The following UNC5D variants were observed in gnomAD, a reference collection of about 807,000 sequenced individuals.
UNC5D encodes the protein unc-5 netrin receptor D.
Under a neutral mutation model 105.4 loss-of-function variants are expected in UNC5D, and 39 were observed. That is an observed-to-expected ratio of 0.37 (90% CI 0.29 to 0.48). UNC5D has a LOEUF of 0.48. Ranked by LOEUF, UNC5D falls within the 20% of genes least tolerant of loss-of-function variation. The pLI, the probability that UNC5D is intolerant of heterozygous loss-of-function variation, is 0.98. For synonymous variants in UNC5D, 452 were observed against 450.4 expected (o/e 1.00, Z -0.04); for missense variants, 991 against 1,202.4 (o/e 0.82, Z 2.60).
intron 1 of UNC5D, among the ~76,000 whole-genome samples, chr8:35,494,863 T>G (rs1328185700): frequency 6.6e-6 from 1 of 152,228 alleles, no homozygotes; most frequent in Non-Finnish European, 1.5e-5. Context: ...AATTATACTT[T>G]TGTTTTTTTA....
intron 1 of UNC5D, among the ~76,000 whole-genome samples, chr8:35,498,396 G>A (rs1811749574): frequency 6.6e-6 from 1 of 152,120 alleles, no homozygotes; most frequent in Admixed American, 6.6e-5. Flanking sequence ...ATGTAAATCT[G>A]AATGATGTTT....
At position 35,787,242 on chromosome 8, in the gene UNC5D, G is replaced by A. The variant is rs536808052; in HGVS notation, c.2658-3117G>A. On this transcript the variant is annotated intron_variant, in intron 16 of 16. Transcript: ENST00000404895. ...CATTCCCATAGGGCAAAAGTTCATC[G>A]TTGTTTGATAGCAAATACAAAATGT... Among the ~76,000 whole-genome samples, 13 of 152,288 alleles carry A rather than the reference G, an allele frequency of 8.5e-5. No homozygotes were observed. In the East Asian group the frequency reaches 1.3e-3, roughly 16 times the overall value.
intron 1 of UNC5D, among the ~76,000 whole-genome samples, chr8:35,380,087 T>TA (rs1554519166): frequency 3.8e-5 from 1 of 26,298 alleles, no homozygotes; most frequent in African/African-American, 1.8e-4. Flanking sequence ...TAATTGGGGG[T>TA]GGGGGGGGGG....
chr8:35,399,238 G>A (rs1447201260), intron 1 of UNC5D, among the ~76,000 whole-genome samples: 2 of 151,630 alleles, frequency 1.3e-5, no homozygotes, highest in Non-Finnish European at 2.9e-5. Context: ...CCTGGAAGTG[G>A]TAAACACAAA....
At chr8:35,785,067 A>T (rs1212854394) in intron 16 of UNC5D, among the ~76,000 whole-genome samples, 3 of 152,016 alleles carry the variant, frequency 2.0e-5, no homozygotes, top group African/African-American at 7.2e-5. Context: ...AAAAAAAAAA[A>T]TCAAACACAC....
chr8:35,710,624 TAGAGA>T (rs1411786921), intron 8 of UNC5D, among the ~76,000 whole-genome samples: 6 of 151,710 alleles, frequency 4.0e-5, no homozygotes, highest in African/African-American at 7.3e-5. Flanking sequence ...ATGGCGTGAA[TAGAGA>T]AGAGAAAAGA....
chr8:35,372,201 G>C (rs1802462531), intron 1 of UNC5D, among the ~76,000 whole-genome samples: 1 of 152,126 alleles, frequency 6.6e-6, no homozygotes, highest in Non-Finnish European at 1.5e-5. Context: ...TTGGCTCACT[G>C]CAACCTTCAC....
intron 1 of UNC5D, among the ~76,000 whole-genome samples, chr8:35,475,740 A>G (rs929280509): frequency 1.3e-5 from 2 of 152,186 alleles, no homozygotes; most frequent in Admixed American, 6.5e-5. Context: ...TTTGAGTTTA[A>G]AAACAATTGC....
intron 3 of UNC5D, among the ~76,000 whole-genome samples, chr8:35,575,737 G>C (rs148743533): frequency 6.6e-6 from 1 of 152,258 alleles, no homozygotes; most frequent in East Asian, 1.9e-4. Flanking sequence ...CCAAAGCCAA[G>C]AGACAATATT....
chr8:35,518,299 A>T (rs2130426870), intron 1 of UNC5D, among the ~76,000 whole-genome samples: 1 of 152,258 alleles, frequency 6.6e-6, no homozygotes, highest in African/African-American at 2.4e-5. Flanking sequence ...TCTTAAAAGC[A>T]GCTCCTCTCA....
At chr8:35,500,139 T>C (rs1356975587) in intron 1 of UNC5D, among the ~76,000 whole-genome samples, 1 of 152,250 alleles carries the variant, frequency 6.6e-6, no homozygotes, top group Non-Finnish European at 1.5e-5. Flanking sequence ...CAAGGAAATA[T>C]GTCTTTGCCT....
intron 4 of UNC5D, among the ~76,000 whole-genome samples, chr8:35,662,899 C>T (rs1253098564): frequency 6.6e-6 from 1 of 152,154 alleles, no homozygotes; most frequent in Non-Finnish European, 1.5e-5. Flanking sequence ...AGATCAGCCT[C>T]AACGCTAGAT....
chr8:35,683,589 G>C lies in UNC5D; in HGVS notation c.613G>C (p.Asp205His). 6.3e-7 allele frequency: 1 copy of C among 1,578,846 alleles called. No homozygotes were observed. Among genetic ancestry groups the C allele is most frequent in the Non-Finnish European group, 8.6e-7 (1 of 1,167,718 alleles). ...KNEEPIDSEQDENIDTRADHN... is the reference protein window; with the variant it reads ...KNEEPIDSEQHENIDTRADHN... Reference sequence around the variant, plus strand: ...TGAAGAGCCCATTGACTCTGAACAAGACGAGAACATTGACACCAGGGCTGA... The same window carrying C: ...TGAAGAGCCCATTGACTCTGAACAACACGAGAACATTGACACCAGGGCTGA... The change falls in exon 5 of 17, where the codon GAC becomes CAC. Residue 205 changes from aspartate (D) to histidine (H), a missense_variant. Around this residue, in one of 3 missense-constraint regions of UNC5D, gnomAD observed 944 missense variants for 1,131.6 expected, o/e 0.83. Coordinates refer to ENST00000404895, the MANE Select transcript of UNC5D (RefSeq NM_080872.4).
chr8:35,517,612 T>C (rs377456883), intron 1 of UNC5D, among the ~76,000 whole-genome samples: 175 of 152,088 alleles, frequency 1.2e-3, no homozygotes, highest in African/African-American at 4.1e-3. Context: ...GTGCCCAATT[T>C]TCAGAGTTTC....
At chr8:35,762,102 C>T (rs1375259388) in intron 14 of UNC5D, among the ~76,000 whole-genome samples, 1 of 152,132 alleles carries the variant, frequency 6.6e-6, no homozygotes, top group African/African-American at 2.4e-5. Context: ...TGGGAGCTGA[C>T]TTATTACAAT....
At chr8:35,536,326 G>A (rs1332250652) in intron 1 of UNC5D, among the ~76,000 whole-genome samples, 1 of 152,142 alleles carries the variant, frequency 6.6e-6, no homozygotes, top group Non-Finnish European at 1.5e-5. Context: ...CTCAATCTGT[G>A]TATTAGGAAA....
chr8:35,788,025 G>C (rs2131805047), intron 16 of UNC5D, among the ~76,000 whole-genome samples: 2 of 152,220 alleles, frequency 1.3e-5, no homozygotes, highest in Admixed American at 1.3e-4. Flanking sequence ...AAAACAAAAA[G>C]AAAAACTAGA....
intron 8 of UNC5D, 63 bp from the exon 9 acceptor site, chr8:35,722,147 C>T: frequency 1.3e-6 from 2 of 1,561,026 alleles, no homozygotes; most frequent in South Asian, 2.4e-5. Context: ...CTTTTGTATT[C>T]CCGAGTGGTT....
intron 1 of UNC5D, among the ~76,000 whole-genome samples, chr8:35,304,886 T>A (rs998390384): frequency 1.3e-5 from 2 of 152,096 alleles, no homozygotes; most frequent in African/African-American, 4.8e-5. Flanking sequence ...TTTTGCATGC[T>A]AGCCCTGGAA....
Sources: allele counts gnomAD v4.1 joint callset (sites outside exome capture counted in the v4.1 genomes callset), GRCh38; gene constraint gnomAD v4.1.1; regional missense constraint gnomAD v4.1.1; transcripts MANE v1.5; gene names NCBI Gene and HGNC (gene_info 2026-07-23, HGNC 2026-07-21).